RNMT: variants seen among roughly 807,000 people sequenced by gnomAD.
RNMT encodes the protein RNA guanine-7 methyltransferase.
In RNMT, 27 loss-of-function variants were observed where a neutral mutation model predicts 56.0. The ratio of observed to expected loss-of-function variants is 0.48; its 90% CI spans 0.36 to 0.67. The LOEUF (loss-of-function observed/expected upper bound fraction) is 0.67. RNMT is among the 30% of genes least tolerant of loss of function. The pLI is 0.00. For missense variants in RNMT, 519 were observed against 552.1 expected, an observed-to-expected ratio of 0.94 and a Z score of 0.60; for synonymous variants, 184 against 176.2, an observed-to-expected ratio of 1.04 and a Z score of -0.35.
chr18:13,744,386 A>G (rs529365075), intron 8 of RNMT, among the ~76,000 whole-genome samples: 1 of 152,096 alleles, frequency 6.6e-6, no homozygotes, highest in Admixed American at 6.5e-5. Context: ...TTGGGCCTCA[A>G]TTCTTTGAAT....
Position 13,761,424 on chromosome 18 carries a change from G to T in RNMT, c.*1445G>T, listed in dbSNP as rs2044617229. 1.0e-6 allele frequency: 1 copy of T among 985,430 alleles called. No individual in the cohort carries two copies. The highest frequency in any genetic ancestry group is 1.7e-5 in the African/African-American group (1 of 57,234). The allele number at this position is 985,430 out of a possible 1,614,324, so 61.0% of individuals were successfully genotyped here. On this transcript the variant is annotated 3_prime_UTR_variant, in exon 12 of 12. Transcript: ENST00000383314. ...TATGCAGGTTCGTTTTCATTCTAGG[G>T]CAGTGCCAGGAAGTATATTGATAGC...
intron 11 of RNMT, among the ~76,000 whole-genome samples, chr18:13,759,227 C>T (rs1250032122): frequency 6.6e-6 from 1 of 152,142 alleles, no homozygotes; most frequent in Non-Finnish European, 1.5e-5. Flanking sequence ...ATGGTATTGC[C>T]ACATACCTAC....
intron 9 of RNMT, among the ~76,000 whole-genome samples, chr18:13,751,850 A>G (rs188166895): frequency 6.6e-6 from 1 of 152,096 alleles, no homozygotes; most frequent in Non-Finnish European, 1.5e-5. Flanking sequence ...CCATCATTCT[A>G]AGCAAACTAA....
chr18:13,741,810 C>A, intron 7 of RNMT, 119 bp downstream of exon 7: 1 of 611,914 alleles, frequency 1.6e-6, no homozygotes. Flanking sequence ...TGAACACTTT[C>A]ATAAGATATT....
chr18:13,745,574 A>G (rs2044336931), intron 8 of RNMT, among the ~76,000 whole-genome samples: 1 of 152,220 alleles, frequency 6.6e-6, no homozygotes, highest in Non-Finnish European at 1.5e-5. Flanking sequence ...GTTCAGCCTT[A>G]GATGTGGGAC....
chr18:13,741,759 G>T, intron 7 of RNMT, 68 bp downstream of exon 7: 1 of 1,004,986 alleles, frequency 1.0e-6, no homozygotes, highest in South Asian at 2.1e-5. Context: ...TTTATCAGAG[G>T]TAGATTTTAT....
intron 10 of RNMT, among the ~76,000 whole-genome samples, chr18:13,753,688 A>G (rs1280255427): frequency 6.8e-6 from 1 of 146,162 alleles, no homozygotes; most frequent in African/African-American, 2.5e-5. Context: ...GGAGAATGGC[A>G]TGAACCCAGG....
chr18:13,761,167 C>G lies in RNMT; in HGVS notation c.*1188C>G, dbSNP rs2044614658. The stretch of plus-strand genomic sequence containing the variant: ...CATTAGTGTGCATCTATTAACTGTT[C>G]ATGGTGTTAGAGTTGCAAACTTTTT... On this transcript the variant is annotated 3_prime_UTR_variant, in exon 12 of 12. Transcript: ENST00000383314. 2.0e-6 allele frequency: 2 copies of G among 985,252 alleles called. No individual in the cohort carries two copies. Among genetic ancestry groups the G allele is most frequent in the South Asian group, 4.7e-5 (1 of 21,288 alleles). The allele number at this position is 985,252 out of a possible 1,614,324, so 61.0% of individuals were successfully genotyped here. A position where few individuals can be genotyped will look rare whatever the true frequency, so the allele number is the denominator to read the frequency against.
intron 10 of RNMT, among the ~76,000 whole-genome samples, chr18:13,753,800 A>G (rs2149105233): frequency 7.6e-6 from 1 of 132,074 alleles, no homozygotes; most frequent in African/African-American, 3.0e-5. Flanking sequence ...AATACAAGAT[A>G]GATGCATTTT....
chr18:13,743,935 A>C (rs2044302092), intron 8 of RNMT, among the ~76,000 whole-genome samples: 1 of 152,004 alleles, frequency 6.6e-6, no homozygotes, highest in Non-Finnish European at 1.5e-5. Context: ...ACAAAATTTA[A>C]AAATATCAAT....
chr18:13,761,127 A>T lies in RNMT; in HGVS notation c.*1148A>T. 1 of 985,400 alleles carries T rather than the reference A, an allele frequency of 1.0e-6. No homozygotes were observed. Among genetic ancestry groups the T allele is most frequent in the Non-Finnish European group, 1.2e-6 (1 of 829,868 alleles). The allele number at this position is 985,400 out of a possible 1,614,324, so 61.0% of individuals were successfully genotyped here. A position where few individuals can be genotyped will look rare whatever the true frequency, so the allele number is the denominator to read the frequency against. On this transcript the variant is annotated 3_prime_UTR_variant, in exon 12 of 12. Coordinates refer to ENST00000383314, the MANE Select transcript of RNMT (RefSeq NM_003799.3). ...TCTGTAATTCACAATACTTGTTTTAAAAACATAGTGTCTTCATTAGTGTGC... is the reference window on the plus strand; with the variant it reads ...TCTGTAATTCACAATACTTGTTTTATAAACATAGTGTCTTCATTAGTGTGC...
intron 3 of RNMT, among the ~76,000 whole-genome samples, chr18:13,733,718 C>T (rs2044113508): frequency 6.6e-6 from 1 of 152,154 alleles, no homozygotes; most frequent in Non-Finnish European, 1.5e-5. Context: ...ATTTTCACAA[C>T]AGCTTTATAA....
intron 9 of RNMT, among the ~76,000 whole-genome samples, chr18:13,747,266 G>A (rs2044368234): frequency 6.7e-6 from 1 of 150,368 alleles, no homozygotes; most frequent in Admixed American, 6.6e-5. Context: ...CTGTTGCCCA[G>A]GCTGGAGTGC....
At position 13,736,494 on chromosome 18, in the gene RNMT, CT is replaced by C. The variant is rs201533011; in HGVS notation, c.554-505del. Among the ~76,000 whole-genome samples, 1,322 of 141,392 alleles carry C rather than the reference CT, an allele frequency of 9.3e-3. 30 individuals carry two copies. The highest frequency in any genetic ancestry group is 0.055 in the Admixed American group (776 of 14,220). The allele number at this position is 141,392 out of a possible 152,430, so 92.8% of individuals were successfully genotyped here. ...GATGCTAAAACTAAAAGACATAGTG[CT>C]TTTTTTTTTTCTAGTTTTTATATTT... On this transcript the variant is annotated intron_variant, in intron 4 of 11. Coordinates refer to ENST00000383314, the MANE Select transcript of RNMT (RefSeq NM_003799.3).
chr18:13,756,762 A>G (rs1343908781), intron 11 of RNMT, among the ~76,000 whole-genome samples: 8 of 152,194 alleles, frequency 5.3e-5, no homozygotes, highest in Non-Finnish European at 1.0e-4. Context: ...GAGTCTTGGG[A>G]GGCCATCAGG....
chr18:13,742,702 G>A, intron 8 of RNMT, 50 bp downstream of exon 8: 1 of 1,272,818 alleles, frequency 7.9e-7, no homozygotes, highest in Non-Finnish European at 1.1e-6. Flanking sequence ...TTAAGGGAAA[G>A]AAAAGCGGGG....
intron 5 of RNMT, among the ~76,000 whole-genome samples, chr18:13,737,909 AT>A (rs1225641842): frequency 6.6e-6 from 1 of 151,662 alleles, no homozygotes; most frequent in African/African-American, 2.4e-5. Context: ...GAAAATCATA[AT>A]TTTTTTCATT....
intron 11 of RNMT, among the ~76,000 whole-genome samples, chr18:13,754,475 C>G (rs1872000028): frequency 6.6e-6 from 1 of 152,132 alleles, no homozygotes; most frequent in South Asian, 2.1e-4. Context: ...TCACTGCACT[C>G]CAGTCTGGGC....
chr18:13,736,186 T>TTC (rs1647732483), intron 4 of RNMT, among the ~76,000 whole-genome samples: 1 of 152,212 alleles, frequency 6.6e-6, no homozygotes, highest in Non-Finnish European at 1.5e-5. Context: ...TGAAGTTACT[T>TTC]TAAGTTCCTG....
Sources: gnomAD v4.1 joint callset for allele counts (sites outside exome capture counted in the v4.1 genomes callset) on GRCh38, gnomAD v4.1.1 for gene constraint, MANE v1.5 for transcripts, NCBI Gene and HGNC (gene_info 2026-07-23, HGNC 2026-07-21) for gene names.